Variants in SSBP2 observed in about 807,000 individuals in gnomAD.
The protein encoded by SSBP2 is single-stranded DNA-binding protein 2.
In SSBP2, 17 loss-of-function variants were observed where a neutral mutation model predicts 61.8. The observed-to-expected ratio is 0.28, with a 90% CI of 0.19 to 0.41. The LOEUF is 0.41. Ranked by LOEUF, SSBP2 falls within the 10% of genes least tolerant of loss-of-function variation. The pLI, the probability that SSBP2 is intolerant of heterozygous loss-of-function variation, is 1.00. For synonymous variants in SSBP2, 139 were observed against 141.3 expected (o/e 0.98, Z 0.12); for missense variants, 310 against 458.7 (o/e 0.68, Z 2.96).
At chr5:81,695,948 CTG>C (rs1181130381) in intron 1 of SSBP2, among the ~76,000 whole-genome samples, 6 of 152,072 alleles carry the variant, frequency 3.9e-5, no homozygotes, top group Non-Finnish European at 8.8e-5. Context: ...ATTTTAAAAA[CTG>C]ATCCATGTGC....
chr5:81,589,196 C>T (rs1775309059), intron 4 of SSBP2, among the ~76,000 whole-genome samples: 1 of 152,158 alleles, frequency 6.6e-6, no homozygotes, highest in Non-Finnish European at 1.5e-5. Context: ...AAATATCAAA[C>T]TAACATGGGC....
chr5:81,585,553 G>GTATATA (rs542990022), intron 4 of SSBP2, among the ~76,000 whole-genome samples: 2 of 149,652 alleles, frequency 1.3e-5, no homozygotes, highest in African/African-American at 2.4e-5. Context: ...TTGTGTGTGT[G>GTATATA]TATATATATA....
rs1484754103 is a variant in SSBP2, at chr5:81,419,419, A to C, written c.*1085T>G. The C allele has an allele frequency of 6.6e-6, 1 of 152,214 alleles. No homozygotes were observed. The highest frequency in any genetic ancestry group is 6.5e-5 in the Admixed American group (1 of 15,278). The allele number at this position is 152,214 out of a possible 1,614,324, so 9.4% of individuals were successfully genotyped here. A position where few individuals can be genotyped will look rare whatever the true frequency, so the allele number is the denominator to read the frequency against. ...AATAACTCTCTTCTCCCTTGTGCTCAAAGTCTCCTTCTATGTATTTATTTC... is the reference window on the plus strand; with the variant it reads ...AATAACTCTCTTCTCCCTTGTGCTCCAAGTCTCCTTCTATGTATTTATTTC... On this transcript the variant is annotated 3_prime_UTR_variant, in exon 17 of 17. Coordinates refer to ENST00000320672, the MANE Select transcript of SSBP2 (RefSeq NM_012446.5).
chr5:81,499,888 TTA>T (rs1312936846), intron 5 of SSBP2, among the ~76,000 whole-genome samples: 1 of 152,232 alleles, frequency 6.6e-6, no homozygotes, highest in African/African-American at 2.4e-5. Context: ...GTACTTCAAT[TTA>T]TTTAAATGTA....
At chr5:81,426,506 G>T (rs577705120) in intron 16 of SSBP2, among the ~76,000 whole-genome samples, 1 of 152,194 alleles carries the variant, frequency 6.6e-6, no homozygotes, top group East Asian at 1.9e-4. Flanking sequence ...CATTGAACCC[G>T]CTTAAGTTCA....
rs1308864921 is a variant in SSBP2 at position 81,413,875 on chromosome 5, C to T, written c.*6629G>A. 1 of 151,788 alleles carries T rather than the reference C, an allele frequency of 6.6e-6. No homozygotes were observed. The highest frequency in any genetic ancestry group is 2.4e-5 in the African/African-American group (1 of 41,334). 9.4% of individuals were successfully genotyped at this position (151,788 alleles called of 1,614,324 possible). ...ATTATATTTAACTGAGCAATTTTACCAAGACATGATGGAAAGTTAGCTGAC... is the reference window on the plus strand; with the variant it reads ...ATTATATTTAACTGAGCAATTTTACTAAGACATGATGGAAAGTTAGCTGAC... On this transcript the variant is annotated 3_prime_UTR_variant, in exon 17 of 17. Transcript: ENST00000320672.
At chr5:81,535,642 G>A (rs1770747643) in intron 4 of SSBP2, among the ~76,000 whole-genome samples, 1 of 151,956 alleles carries the variant, frequency 6.6e-6, no homozygotes, top group Non-Finnish European at 1.5e-5. Flanking sequence ...GAGAGCAAAG[G>A]TACTAGAATG....
chr5:81,482,399 T>C (rs1293978622), intron 6 of SSBP2, among the ~76,000 whole-genome samples: 1 of 152,172 alleles, frequency 6.6e-6, no homozygotes, highest in Non-Finnish European at 1.5e-5. Context: ...GCTATGAAAG[T>C]TCTAGGTGGC....
intron 1 of SSBP2, among the ~76,000 whole-genome samples, chr5:81,723,872 G>A (rs912623670): frequency 6.6e-6 from 1 of 151,914 alleles, no homozygotes; most frequent in South Asian, 2.1e-4. Flanking sequence ...CCCCAGAGTT[G>A]AGGAAGGAGT....
rs1762969203 is a variant in SSBP2 at position 81,440,610 on chromosome 5, A to G, written c.876T>C (p.Gly292=). 6.2e-7 allele frequency: 1 copy of G among 1,613,322 alleles called. No homozygotes were observed. Among genetic ancestry groups the G allele is most frequent in the South Asian group, 1.1e-5 (1 of 90,994 alleles). The change falls in exon 14 of 17, where the codon GGT becomes GGC. Residue 292 remains glycine (G), a synonymous_variant. Transcript: ENST00000320672. ...CCATTCCTCCTAATCCACCCATGGG[A>G]CCATCTGACCCAGGACCCATTGGAA...
chr5:81,629,622 T>C (rs1018489388), intron 3 of SSBP2, among the ~76,000 whole-genome samples: 2 of 152,354 alleles, frequency 1.3e-5, no homozygotes, highest in East Asian at 1.9e-4. Context: ...TTTCTAACTC[T>C]CCCAAGCTAA....
At position 81,560,027 on chromosome 5, in the gene SSBP2, C is replaced by G. The variant is rs570150682; in HGVS notation, c.283-46310G>C. Among the ~76,000 whole-genome samples, 21 of 152,182 alleles carry G rather than the reference C, an allele frequency of 1.4e-4. No individual in the cohort carries two copies. The South Asian group carries it at 4.1e-3, about 30-fold the overall frequency. ...ACATACACAATATAATTCTCACAAT[C>G]AAAAACTGAAAAATATGATTGCTTC... On this transcript the variant is annotated intron_variant, in intron 4 of 16. Coordinates refer to ENST00000320672, the MANE Select transcript of SSBP2 (RefSeq NM_012446.5).
At chr5:81,640,167 C>A (rs1349779855) in intron 2 of SSBP2, among the ~76,000 whole-genome samples, 1 of 152,032 alleles carries the variant, frequency 6.6e-6, no homozygotes, top group Non-Finnish European at 1.5e-5. Context: ...TGGTGAAACC[C>A]CATCTCTACT....
chr5:81,595,960 C>CT (rs1743700087), intron 4 of SSBP2, among the ~76,000 whole-genome samples: 1 of 152,176 alleles, frequency 6.6e-6, no homozygotes, highest in Non-Finnish European at 1.5e-5. Flanking sequence ...CAGGGATGCC[C>CT]TCTCTCACCA....
chr5:81,420,132 C>A lies in SSBP2; in HGVS notation c.*372G>T. ...TGAAAAAAAGGATGGAATAAAAGTC[C>A]CTACTTATTTCTACTTAAGATGTCA... On this transcript the variant is annotated 3_prime_UTR_variant, in exon 17 of 17. Coordinates refer to ENST00000320672, the MANE Select transcript of SSBP2 (RefSeq NM_012446.5). 5.4e-6 allele frequency: 1 copy of A among 183,872 alleles called. No homozygotes were observed. Among genetic ancestry groups the A allele is most frequent in the Non-Finnish European group, 1.1e-5 (1 of 89,210 alleles). The allele number at this position is 183,872 out of a possible 1,614,324, so 11.4% of individuals were successfully genotyped here.
intron 1 of SSBP2, among the ~76,000 whole-genome samples, chr5:81,678,150 T>G (rs1243766341): frequency 2.6e-5 from 4 of 152,074 alleles, no homozygotes; most frequent in African/African-American, 9.7e-5. Context: ...TGCTAAGGCT[T>G]TAATGAAAAA....
intron 4 of SSBP2, among the ~76,000 whole-genome samples, chr5:81,516,765 T>C (rs1472511104): frequency 6.6e-6 from 1 of 152,004 alleles, no homozygotes; most frequent in African/African-American, 2.4e-5. Context: ...AGCAAATAAA[T>C]AATGCAAGCT....
chr5:81,665,694 G>A (rs1415161011), intron 1 of SSBP2, among the ~76,000 whole-genome samples: 1 of 152,064 alleles, frequency 6.6e-6, no homozygotes, highest in Non-Finnish European at 1.5e-5. Context: ...TAGTAGAGAC[G>A]GAGTTTTACC....
intron 6 of SSBP2, among the ~76,000 whole-genome samples, chr5:81,475,953 G>A (rs998141830): frequency 4.6e-5 from 7 of 152,056 alleles, no homozygotes; most frequent in African/African-American, 1.7e-4. Context: ...GTGCATGCAT[G>A]TATAATTTCA....
Sources: gnomAD v4.1 joint callset for allele counts (sites outside exome capture counted in the v4.1 genomes callset) on GRCh38, gnomAD v4.1.1 for gene constraint, MANE v1.5 for transcripts, NCBI Gene and HGNC (gene_info 2026-07-23, HGNC 2026-07-21) for gene names.